The following NLRX1 variants were observed in gnomAD, a reference collection of about 807,000 sequenced individuals.
NLRX1 encodes NLR family member X1, also known as NOD-like receptor X1.
A neutral mutation model predicts 74.2 loss-of-function variants in NLRX1; 67 were observed. The observed-to-expected ratio is 0.90, with a 90% CI of 0.74 to 1.11. The LOEUF (loss-of-function observed/expected upper bound fraction) is 1.11, where lower values mean the gene tolerates loss of function less well. Ranked by LOEUF, NLRX1 falls within the 50% of genes least tolerant of loss-of-function variation. NLRX1 has a pLI of 0.00. For missense variants in NLRX1, 1,191 were observed against 1,305.4 expected (o/e 0.91, Z 1.35); for synonymous variants, 506 against 559.1 (o/e 0.91, Z 1.34).
intron 7 of NLRX1, 50 bp from the exon 8 acceptor site, chr11:119,181,121 G>C (rs766680348): frequency 4.5e-6 from 6 of 1,328,874 alleles, no homozygotes; most frequent in Middle Eastern, 1.8e-4. Flanking sequence ...ACTGCCTGCT[G>C]AATTCCCTCC....
At chr11:119,171,724 A>C (rs991019573) in intron 2 of NLRX1, among the ~76,000 whole-genome samples, 1 of 152,094 alleles carries the variant, frequency 6.6e-6, no homozygotes, top group African/African-American at 2.4e-5. Flanking sequence ...AGGCCGAGGC[A>C]GGCGGATCAC....
At chr11:119,172,570 A>G (rs893188458) in intron 3 of NLRX1, 145 bp downstream of exon 3, 2 of 674,572 alleles carry the variant, frequency 3.0e-6, no homozygotes, top group Admixed American at 5.0e-5. Flanking sequence ...TGGCAGCTCC[A>G]AGGCCTGAGA....
chr11:119,180,273 G>T lies in NLRX1; in HGVS notation c.2252G>T (p.Arg751Leu). The T allele has an allele frequency of 6.3e-7, 1 of 1,581,176 alleles. No homozygotes were observed. The highest frequency in any genetic ancestry group is 8.6e-7 in the Non-Finnish European group (1 of 1,157,180). The change falls in exon 7 of 10, where the codon CGT becomes CTT. Residue 751 changes from arginine to leucine, a missense_variant. Physicochemically the swap from Arg to Leu is moderately radical, Grantham distance 102. Coordinates refer to ENST00000409109, the MANE Select transcript of NLRX1 (RefSeq NM_001282144.2). Reference sequence around the variant, plus strand: ...CGCACACTCCTGCCTGTCTTCCTGCGTGCCCGGAAGCTGGGGTGAGGACCT... The same window carrying T: ...CGCACACTCCTGCCTGTCTTCCTGCTTGCCCGGAAGCTGGGGTGAGGACCT... The part of the protein sequence containing the change: ...GLRTLLPVFL[R>L]ARKLGLQLNS...
chr11:119,172,048 A>G (rs1948563393), intron 2 of NLRX1, among the ~76,000 whole-genome samples: 1 of 152,140 alleles, frequency 6.6e-6, no homozygotes. Flanking sequence ...TTTACATACA[A>G]CAGAGATTTA....
chr11:119,182,411 C>A, intron 9 of NLRX1, 66 bp downstream of exon 9: 1 of 1,562,436 alleles, frequency 6.4e-7, no homozygotes, highest in South Asian at 1.2e-5. Context: ...CAACTGTGCT[C>A]CTCCAATCCT....
At chr11:119,176,127 T>C (rs1948699182) in intron 6 of NLRX1, among the ~76,000 whole-genome samples, 1 of 152,242 alleles carries the variant, frequency 6.6e-6, no homozygotes, top group South Asian at 2.1e-4. Context: ...TCTGTCGAGC[T>C]GTGGGACCTT....
chr11:119,174,498 C>T lies in NLRX1; in HGVS notation c.895C>T (p.Pro299Ser), dbSNP rs1451151387. 6.2e-7 allele frequency: 1 copy of T among 1,614,088 alleles called. No individual in the cohort carries two copies. Among genetic ancestry groups the T allele is most frequent in the Non-Finnish European group, 8.5e-7 (1 of 1,180,046 alleles). ...TTRPSAIGRI[P>S]SKYVGRYGEI... ...TCGGCCCTCTGCCATTGGCCGTATC[C>T]CCAGCAAGTACGTGGGCCGCTATGG... The change falls in exon 6 of 10, where the codon CCC (proline) becomes TCC (serine). Residue 299 changes from proline to serine, a missense_variant. Transcript: ENST00000409109.
At chr11:119,177,520 C>T (rs1292593114) in intron 6 of NLRX1, among the ~76,000 whole-genome samples, 57 of 151,024 alleles carry the variant, frequency 3.8e-4, no homozygotes, top group Non-Finnish European at 6.3e-4. Flanking sequence ...CCCAGCTACT[C>T]GGGAGGCTGA....
At chr11:119,178,615 A>G (rs1232045174) in intron 6 of NLRX1, among the ~76,000 whole-genome samples, 2 of 151,884 alleles carry the variant, frequency 1.3e-5, no homozygotes, top group African/African-American at 2.4e-5. Flanking sequence ...GTGGAAGGGC[A>G]TGTCGTCTGA....
Position 119,173,896 on chromosome 11 carries a change from T to C in NLRX1, c.647T>C (p.Val216Ala). The C allele has an allele frequency of 1.2e-6, 2 of 1,613,564 alleles. No homozygotes were observed. The highest frequency in any genetic ancestry group is 2.2e-5 in the East Asian group (1 of 44,872). ...GCCCCAGCCTCCCTGTGCCAACTTG[T>C]GGCCCAGCGCTACACGCCCCTGAAG... ...GPAPASLCQL[V>A]AQRYTPLKEV... Residue 216 changes from valine to alanine, a missense_variant, in exon 5 of 10, where the codon GTG becomes GCG. Coordinates refer to ENST00000409109, the MANE Select transcript of NLRX1 (RefSeq NM_001282144.2). The surrounding 1 kb of genome is among the most constrained non-coding windows in gnomAD (Gnocchi z 4.0).
chr11:119,172,298 C>A lies in NLRX1; in HGVS notation c.71-58C>A, dbSNP rs1012334422. ...CAAATACTGGGGGGTTTGATGTAGA[C>A]ATGGGTTCTGTGTATTGCATGGGAT... On this transcript the variant is annotated intron_variant, in intron 2 of 9. Coordinates refer to ENST00000409109, the MANE Select transcript of NLRX1 (RefSeq NM_001282144.2). 4 of 1,338,964 alleles carry A rather than the reference C, an allele frequency of 3.0e-6. No homozygotes were observed. The African/African-American group carries it at 4.3e-5, about 15-fold the overall frequency. The allele number at this position is 1,338,964 out of a possible 1,614,324, so 82.9% of individuals were successfully genotyped here.
At chr11:119,178,699 T>A (rs1021459591) in intron 6 of NLRX1, among the ~76,000 whole-genome samples, 1 of 132,608 alleles carries the variant, frequency 7.5e-6, no homozygotes, top group African/African-American at 2.9e-5. Flanking sequence ...CCCTGGAGGC[T>A]TTTTTTTTTT....
chr11:119,182,456 C>A lies in NLRX1; in HGVS notation c.2606+111C>A. 4.2e-6 allele frequency: 6 copies of A among 1,433,728 alleles called. No individual in the cohort carries two copies. In the South Asian group the frequency reaches 6.5e-5, roughly 16 times the overall value. The allele number at this position is 1,433,728 out of a possible 1,614,324, so 88.8% of individuals were successfully genotyped here. A position where few individuals can be genotyped will look rare whatever the true frequency, so the allele number is the denominator to read the frequency against. ...TTCTGGGCCTGGGCCTGGTGCCTGT[C>A]CTTTATTCCTGGTTTCTGACTGATC... On this transcript the variant is annotated intron_variant, in intron 9 of 9. Coordinates refer to ENST00000409109, the MANE Select transcript of NLRX1 (RefSeq NM_001282144.2).
In NLRX1 at chr11:119,179,863, C is replaced by T. The variant is rs550722841; in HGVS notation, c.1842C>T (p.Pro614=). The T allele has an allele frequency of 1.3e-5, 21 of 1,613,996 alleles. No individual in the cohort carries two copies. In the South Asian group the frequency reaches 2.3e-4, roughly 18 times the overall value. The change falls in exon 7 of 10, where the codon CCC becomes CCT. Residue 614 remains proline (P), a synonymous_variant. Coordinates refer to ENST00000409109, the MANE Select transcript of NLRX1 (RefSeq NM_001282144.2). The part of the protein sequence containing the change: ...VEGPRRHPDE[P]PEDEVFELFP... ...GCCCCCGGCGCCACCCAGATGAGCC[C>T]CCTGAGGATGAAGTCTTCGAGCTCT...
chr11:119,181,257 G>A lies in NLRX1; in HGVS notation c.2354G>A (p.Arg785Gln), dbSNP rs765127292. 6.2e-6 allele frequency: 10 copies of A among 1,612,862 alleles called. No individual in the cohort carries two copies. Among genetic ancestry groups the A allele is most frequent in the Middle Eastern group, 3.3e-4 (2 of 6,056 alleles). ...GACCAGTGCCAAATTACCACACTGC[G>A]GTGAGTGACCTGGGAGTGGGGCATC... ...LHDQCQITTL[R>Q]LSNNPLTAAG... The change falls in exon 8 of 10, where the codon CGG becomes CAG. Residue 785 changes from arginine to glutamine, a missense_variant and splice_region_variant. Transcript: ENST00000409109.
intron 7 of NLRX1, among the ~76,000 whole-genome samples, chr11:119,180,574 G>A (rs1002024280): frequency 6.6e-6 from 1 of 152,050 alleles, no homozygotes; most frequent in African/African-American, 2.4e-5. Flanking sequence ...GGTGGTGCAT[G>A]CCTGTAATCC....
Position 119,183,850 on chromosome 11 carries a change from T to A in NLRX1, c.*411T>A, listed in dbSNP as rs534603117. On this transcript the variant is annotated 3_prime_UTR_variant, in exon 10 of 10. Coordinates refer to ENST00000409109, the MANE Select transcript of NLRX1 (RefSeq NM_001282144.2). The surrounding 1 kb of genome is among the most constrained non-coding windows in gnomAD (Gnocchi z 5.7). ...GTCGCCATCCAGATGTGTTGGAAGC[T>A]TCCCCTCCTGCCTTATGCTCACCTG... 2.8e-5 allele frequency: 22 copies of A among 780,878 alleles called. No individual in the cohort carries two copies. The South Asian group carries it at 2.9e-4, about 10-fold the overall frequency. 48.4% of individuals were successfully genotyped at this position (780,878 alleles called of 1,614,324 possible). A position where few individuals can be genotyped will look rare whatever the true frequency, so the allele number is the denominator to read the frequency against.
Position 119,183,200 on chromosome 11 carries a change from G to C in NLRX1, c.2689G>C (p.Val897Leu). The C allele has an allele frequency of 6.2e-7, 1 of 1,614,230 alleles. No homozygotes were observed. Among genetic ancestry groups the C allele is most frequent in the Non-Finnish European group, 8.5e-7 (1 of 1,180,040 alleles). ...TGCTGCTGAAGGTGGTGCCCGGGTG[G>C]TGGTGTCACTGACAGAGGGGACGGC... ...GGAAEGGARV[V>L]VSLTEGTAVS... Residue 897 changes from valine to leucine, a missense_variant, in exon 10 of 10, where the codon GTG becomes CTG. Coordinates refer to ENST00000409109, the MANE Select transcript of NLRX1 (RefSeq NM_001282144.2). The surrounding 1 kb of genome is among the most constrained non-coding windows in gnomAD (Gnocchi z 5.7).
rs1948649701 is a variant in NLRX1, at chr11:119,174,683, G to A, written c.1080G>A (p.Gly360=). The change falls in exon 6 of 10, where the codon GGG becomes GGA. Residue 360 remains glycine, a synonymous_variant. Transcript: ENST00000409109. ...AGATGCTCTCCCGGAACCTGGAGGGGCACCACCAGATAGCCGCTGCCTGCT... is the reference window on the plus strand; with the variant it reads ...AGATGCTCTCCCGGAACCTGGAGGGACACCACCAGATAGCCGCTGCCTGCT... ...LVQMLSRNLE[G]HHQIAAACFL... 1 of 1,613,826 alleles carries A rather than the reference G, an allele frequency of 6.2e-7. No individual in the cohort carries two copies. Among genetic ancestry groups the A allele is most frequent in the South Asian group, 1.1e-5 (1 of 91,092 alleles).
Sources: gnomAD v4.1 joint callset for allele counts (sites outside exome capture counted in the v4.1 genomes callset) on GRCh38, gnomAD v4.1.1 for gene constraint, Gnocchi (gnomAD v3.1) non-coding constraint, MANE v1.5 for transcripts, NCBI Gene and HGNC (gene_info 2026-07-23, HGNC 2026-07-21) for gene names.